Variants in DIO2 observed in about 807,000 individuals in gnomAD.
The protein encoded by DIO2 is type II iodothyronine deiodinase.
A neutral mutation model predicts 21.4 loss-of-function variants in DIO2; 19 were observed. That is an observed-to-expected ratio of 0.89 (90% confidence interval 0.62 to 1.30). The LOEUF (loss-of-function observed/expected upper bound fraction) is 1.30, where lower values mean the gene tolerates loss of function less well. Ranked by LOEUF, DIO2 falls within the 50% of genes most tolerant of loss-of-function variation. DIO2 has a pLI of 0.00. For missense variants in DIO2, 302 were observed against 338.1 expected (o/e 0.89, Z 0.84); for synonymous variants, 122 against 132.9 (o/e 0.92, Z 0.57).
chr14:80,218,903 A>C (rs1594881106), intron 2 of DIO2, among the ~76,000 whole-genome samples: 1 of 152,136 alleles, frequency 6.6e-6, no homozygotes, highest in Admixed American at 6.5e-5. Context: ...GCTTGAATCC[A>C]GGAGGCAGAG....
chr14:80,213,733 A>G (rs529162255), upstream of DIO2, among the ~76,000 whole-genome samples: 2 of 152,216 alleles, frequency 1.3e-5, no homozygotes, highest in Admixed American at 1.3e-4. Context: ...CCATTCACAT[A>G]CAATATGATG....
rs1207642071 is a variant in DIO2 at position 80,203,048 on chromosome 14, C to T, written c.463G>A (p.Asp155Asn). Residue 155 changes from aspartate (D) to asparagine (N), a missense_variant, in exon 2 of 2, where the codon GAC (aspartate) becomes AAC (asparagine). By Grantham distance (23) the Asp-to-Asn change is conservative. Transcript: ENST00000438257. ...TCATCAATGTAGACCAGCAGGAAGT[C>T]AGCCACTGAGGAGAACTCTTCCACC... ...KLVEEFSSVA[D>N]FLLVYIDEAH... 1.2e-6 allele frequency: 2 copies of T among 1,613,814 alleles called. No individual in the cohort carries two copies. The highest frequency in any genetic ancestry group is 2.7e-5 in the African/African-American group (2 of 74,936).
chr14:80,214,476 T>G (rs1888303327), upstream of DIO2, among the ~76,000 whole-genome samples: 1 of 152,192 alleles, frequency 6.6e-6, no homozygotes, highest in Non-Finnish European at 1.5e-5. Context: ...TTCTTTTTAT[T>G]TATTTATTTA....
At position 80,205,541 on chromosome 14, in the gene DIO2, T is replaced by G. The variant is rs941684857; in HGVS notation, c.223-2253A>C. ...CAGACCTGTTGATCCTTTCATTATG[T>G]CTGATTATTCAACTGAATAATCTAA... On this transcript the variant is annotated intron_variant, in intron 1 of 1. Transcript: ENST00000438257. 2.6e-6 allele frequency: 3 copies of G among 1,173,412 alleles called. No individual in the cohort carries two copies. The African/African-American group carries it at 5.0e-5, about 19-fold the overall frequency. The allele number at this position is 1,173,412 out of a possible 1,614,324, so 72.7% of individuals were successfully genotyped here. A position where few individuals can be genotyped will look rare whatever the true frequency, so the allele number is the denominator to read the frequency against.
intron 1 of DIO2, among the ~76,000 whole-genome samples, chr14:80,207,729 C>T (rs1203036938): frequency 6.6e-6 from 1 of 152,206 alleles, no homozygotes; most frequent in Non-Finnish European, 1.5e-5. Context: ...AGGCTACGTA[C>T]TCCTTCCTCT....
At chr14:80,230,344 C>T (rs751581341) in intron 2 of DIO2, among the ~76,000 whole-genome samples, 2 of 152,160 alleles carry the variant, frequency 1.3e-5, no homozygotes, top group African/African-American at 2.4e-5. Flanking sequence ...TGCAGGTCAG[C>T]CACTCGTATA....
Position 80,202,883 on chromosome 14 carries a change from C to G in DIO2, c.628G>C (p.Val210Leu). 1 of 1,613,968 alleles carries G rather than the reference C, an allele frequency of 6.2e-7. No individual in the cohort carries two copies. Among genetic ancestry groups the G allele is most frequent in the South Asian group, 1.1e-5 (1 of 91,076 alleles). Residue 210 changes from valine to leucine, a missense_variant, in exon 2 of 2, where the codon GTT becomes CTT. Coordinates refer to ENST00000438257, the MANE Select transcript of DIO2 (RefSeq NM_013989.5). The stretch of plus-strand genomic sequence containing the variant: ...TTATTGTCCATGCGGTCAGCCACAA[C>G]TCGGCACTGGGGCGGCAAGGAGAAA... ...ERFSLPPQCR[V>L]VADRMDNNAN...
upstream of DIO2, among the ~76,000 whole-genome samples, chr14:80,212,650 A>C (rs1244588895): frequency 1.3e-5 from 2 of 152,120 alleles, no homozygotes; most frequent in Non-Finnish European, 2.9e-5. Flanking sequence ...CCTTTATACC[A>C]TGACTCCAAC....
chr14:80,211,529 A>C, upstream of DIO2: 2 of 717,834 alleles, frequency 2.8e-6, no homozygotes, highest in Non-Finnish European at 3.8e-6. Context: ...TCACCCTCTT[A>C]TTTAAAAGGG....
At chr14:80,221,270 T>A (rs533024451) in intron 2 of DIO2, among the ~76,000 whole-genome samples, 143 of 152,282 alleles carry the variant, frequency 9.4e-4, no homozygotes, top group Non-Finnish European at 1.6e-3. Flanking sequence ...TTCTCTTATA[T>A]CTACCTTTTT....
chr14:80,202,999 G>A lies in DIO2; in HGVS notation c.512C>T (p.Ala171Val), dbSNP rs766090858. The change falls in exon 2 of 2, where the codon GCG becomes GTG. Residue 171 changes from alanine to valine, a missense_variant. Coordinates refer to ENST00000438257, the MANE Select transcript of DIO2 (RefSeq NM_013989.5). Reference sequence around the variant, plus strand: ...AGACAAAGAGGAGTCCCCCGGTATCGCCCAGCCATCTGATGGATGAGCCTC... The same window carrying A: ...AGACAAAGAGGAGTCCCCCGGTATCACCCAGCCATCTGATGGATGAGCCTC... ...IDEAHPSDGW[A>V]IPGDSSLSFE... The A allele has an allele frequency of 1.2e-6, 2 of 1,613,720 alleles. No homozygotes were observed. The highest frequency in any genetic ancestry group is 1.3e-5 in the African/African-American group (1 of 74,860).
chr14:80,219,685 ATGCTATAATACG>A (rs1888427972), intron 2 of DIO2, among the ~76,000 whole-genome samples: 1 of 152,194 alleles, frequency 6.6e-6, no homozygotes, highest in Admixed American at 6.5e-5. Context: ...GCTTCCTTAC[ATGCTATAATACG>A]TGCTATAATA....
intron 3 of DIO2, chr14:80,216,599 A>G (rs1032682391): frequency 6.6e-6 from 1 of 152,150 alleles, no homozygotes; most frequent in Non-Finnish European, 1.5e-5. Context: ...TGAGAAGAAG[A>G]CTTTGTAAAG....
chr14:80,203,866 A>C (rs1259621249), intron 1 of DIO2, among the ~76,000 whole-genome samples: 1 of 152,208 alleles, frequency 6.6e-6, no homozygotes, highest in African/African-American at 2.4e-5. Flanking sequence ...ACTTATAAGA[A>C]GTGTTACTTC....
At chr14:80,230,266 A>C (rs1193281901) in intron 2 of DIO2, among the ~76,000 whole-genome samples, 1 of 152,154 alleles carries the variant, frequency 6.6e-6, no homozygotes, top group African/African-American at 2.4e-5. Flanking sequence ...TCAGGGTCCC[A>C]TTCTTTTCCA....
chr14:80,213,926 T>C (rs929728838), upstream of DIO2, among the ~76,000 whole-genome samples: 2 of 152,144 alleles, frequency 1.3e-5, no homozygotes, highest in Admixed American at 1.3e-4. Context: ...AGAAAAATAA[T>C]ATAAACCACA....
In DIO2 at chr14:80,201,517, G is replaced by A. The variant is rs1209685169; in HGVS notation, c.*1172C>T. ...TGTATGTATGTATGTATGTGTGTATGTACGTATAATTTCTTCAGCTCAGCA... is the reference window on the plus strand; with the variant it reads ...TGTATGTATGTATGTATGTGTGTATATACGTATAATTTCTTCAGCTCAGCA... On this transcript the variant is annotated 3_prime_UTR_variant, in exon 2 of 2. Transcript: ENST00000438257. The A allele has an allele frequency of 6.6e-6, 1 of 152,132 alleles. No homozygotes were observed. Among genetic ancestry groups the A allele is most frequent in the East Asian group, 1.9e-4 (1 of 5,190 alleles). 9.4% of individuals were successfully genotyped at this position (152,132 alleles called of 1,614,324 possible).
At chr14:80,228,328 T>C (rs1377816299) in intron 2 of DIO2, among the ~76,000 whole-genome samples, 1 of 152,204 alleles carries the variant, frequency 6.6e-6, no homozygotes, top group Non-Finnish European at 1.5e-5. Flanking sequence ...GCATACCAGG[T>C]ACCAGGAAAT....
At chr14:80,216,526 T>C (rs1209643650) in intron 3 of DIO2, among the ~76,000 whole-genome samples, 1 of 152,064 alleles carries the variant, frequency 6.6e-6, no homozygotes, top group African/African-American at 2.4e-5. Context: ...TTGAGAACAG[T>C]TTATCAGCCT....
Sources: allele counts gnomAD v4.1 joint callset (sites outside exome capture counted in the v4.1 genomes callset), GRCh38; gene constraint gnomAD v4.1.1; transcripts MANE v1.5; gene names NCBI Gene and HGNC (gene_info 2026-07-23, HGNC 2026-07-21).